TMEM181: variants seen among roughly 807,000 people sequenced by gnomAD.
TMEM181 encodes the protein G protein-coupled receptor 178.
In TMEM181, 39 loss-of-function variants were observed where a neutral mutation model predicts 71.9. The ratio of observed to expected loss-of-function variants is 0.54; its 90% confidence interval spans 0.42 to 0.71. The LOEUF is 0.71. Ranked by LOEUF, TMEM181 falls within the 30% of genes least tolerant of loss-of-function variation. TMEM181 has a pLI of 0.00. For synonymous variants in TMEM181, 245 were observed against 228.8 expected, an observed-to-expected ratio of 1.07 and a Z score of -0.64; for missense variants, 595 against 583.0, an observed-to-expected ratio of 1.02 and a Z score of -0.21.
chr6:158,545,071 CAG>C (rs1389772488), intron 1 of TMEM181, among the ~76,000 whole-genome samples: 5 of 152,246 alleles, frequency 3.3e-5, no homozygotes, highest in African/African-American at 1.2e-4. Context: ...GCCCACCGCT[CAG>C]GGGCCAGGCA....
intron 6 of TMEM181, among the ~76,000 whole-genome samples, chr6:158,603,566 T>C: frequency 6.7e-6 from 1 of 149,288 alleles, no homozygotes; most frequent in East Asian, 2.0e-4. Flanking sequence ...AGCTTCCCGA[T>C]GCTATGTTGA....
intron 1 of TMEM181, among the ~76,000 whole-genome samples, chr6:158,566,906 G>A (rs113259415): frequency 1.9e-4 from 29 of 152,158 alleles, no homozygotes; most frequent in African/African-American, 7.0e-4. Context: ...CCTGGCTCAC[G>A]GTGATTTGCA....
intron 10 of TMEM181, chr6:158,609,758 G>T: frequency 3.9e-6 from 1 of 258,246 alleles, no homozygotes; most frequent in South Asian, 5.6e-5. Flanking sequence ...CAGGGTGTGG[G>T]AGACTAGATC....
rs536819794 is a variant in TMEM181 at position 158,560,136 on chromosome 6, C to CCGGCTG, written c.-81_-76dup. 2.1e-5 allele frequency: 21 copies of CCGGCTG among 984,200 alleles called. No homozygotes were observed. The highest frequency in any genetic ancestry group is 1.2e-4 in the African/African-American group (7 of 57,174). The allele number at this position is 984,200 out of a possible 1,614,324, so 61.0% of individuals were successfully genotyped here. On this transcript the variant is annotated 5_prime_UTR_variant, in exon 1 of 17. Coordinates refer to ENST00000684151, the MANE Select transcript of TMEM181 (RefSeq NM_001376852.1). ...CTGCTCAGCCGCTGTCGCTCCGGCT[C>CCGGCTG]CGGCTGCGGCTGCCGCTGCCGAGGC...
intron 1 of TMEM181, among the ~76,000 whole-genome samples, chr6:158,570,088 C>G (rs2128291409): frequency 6.6e-6 from 1 of 152,222 alleles, no homozygotes; most frequent in African/African-American, 2.4e-5. Context: ...TCTCGGAGCT[C>G]CATAGTCTTG....
chr6:158,573,832 T>C (rs1157289731), intron 2 of TMEM181, among the ~76,000 whole-genome samples: 3 of 151,796 alleles, frequency 2.0e-5, no homozygotes, highest in African/African-American at 7.3e-5. Flanking sequence ...GAGACCCAGC[T>C]GGGCGCTGGT....
chr6:158,614,066 T>C (rs1487867272), intron 10 of TMEM181, among the ~76,000 whole-genome samples: 2 of 152,220 alleles, frequency 1.3e-5, no homozygotes, highest in East Asian at 1.9e-4. Context: ...TTAGAACATA[T>C]GTTAATATTA....
intron 1 of TMEM181, among the ~76,000 whole-genome samples, chr6:158,538,353 C>A (rs910237358): frequency 6.6e-6 from 1 of 151,924 alleles, no homozygotes; most frequent in African/African-American, 2.4e-5. Flanking sequence ...TGGAATTTCC[C>A]TGTCTTGCCC....
intron 1 of TMEM181, among the ~76,000 whole-genome samples, chr6:158,570,484 G>T (rs1159977367): frequency 1.3e-5 from 2 of 151,266 alleles, no homozygotes; most frequent in Admixed American, 1.3e-4. Context: ...CTCGTGATCC[G>T]CCCGCCTTGG....
intron 2 of TMEM181, among the ~76,000 whole-genome samples, chr6:158,576,886 C>T (rs1031007810): frequency 4.6e-5 from 7 of 151,874 alleles, no homozygotes; most frequent in African/African-American, 1.7e-4. Flanking sequence ...CATGGTGAAA[C>T]CCCATCTCTG....
At chr6:158,553,120 C>T (rs1002983969) in intron 1 of TMEM181, among the ~76,000 whole-genome samples, 4 of 150,650 alleles carry the variant, frequency 2.7e-5, no homozygotes, top group African/African-American at 9.8e-5. Flanking sequence ...CCTGAGAGGT[C>T]GAAGCTGCTA....
Position 158,608,833 on chromosome 6 carries a change from C to A in TMEM181, c.896+83C>A. ...AAAGGCCAGGCCAGGCGTAGTGGCT[C>A]ACGCCTGTAATCCCAGCACTTTGAC... On this transcript the variant is annotated intron_variant, in intron 10 of 16. Coordinates refer to ENST00000684151, the MANE Select transcript of TMEM181 (RefSeq NM_001376852.1). 5 of 1,305,478 alleles carry A rather than the reference C, an allele frequency of 3.8e-6. No individual in the cohort carries two copies. In the South Asian group the frequency reaches 5.2e-5, roughly 14 times the overall value. The allele number at this position is 1,305,478 out of a possible 1,614,324, so 80.9% of individuals were successfully genotyped here. A position where few individuals can be genotyped will look rare whatever the true frequency, so the allele number is the denominator to read the frequency against.
In TMEM181 at chr6:158,599,888, T is replaced by A. The variant is rs544902846; in HGVS notation, c.493-5379T>A. On this transcript the variant is annotated intron_variant, in intron 6 of 16. Coordinates refer to ENST00000684151, the MANE Select transcript of TMEM181 (RefSeq NM_001376852.1). ...TGGCCCAGGAGGAGCACGCAGGTGATTCTGCTTGGCTGCTGCTGACAGGGG... is the reference window on the plus strand; with the variant it reads ...TGGCCCAGGAGGAGCACGCAGGTGAATCTGCTTGGCTGCTGCTGACAGGGG... Among the ~76,000 whole-genome samples the A allele has an allele frequency of 1.3e-3, 204 of 152,376 alleles. 1 individual carries two copies. The highest frequency in any genetic ancestry group is 4.7e-3 in the African/African-American group (194 of 41,602).
chr6:158,584,590 G>A (rs2128301623), intron 4 of TMEM181, among the ~76,000 whole-genome samples: 1 of 152,292 alleles, frequency 6.6e-6, no homozygotes, highest in Admixed American at 6.5e-5. Context: ...AGTCTACAGT[G>A]GCACTAGTTT....
At chr6:158,554,148 C>G (rs1181067152) in intron 1 of TMEM181, among the ~76,000 whole-genome samples, 1 of 151,880 alleles carries the variant, frequency 6.6e-6, no homozygotes, top group Non-Finnish European at 1.5e-5. Context: ...TACAATGGCC[C>G]GGTCTTGGCT....
chr6:158,585,344 C>T lies in TMEM181; in HGVS notation c.300C>T (p.Val100=), dbSNP rs1221420000. The change falls in exon 5 of 17, where the codon GTC becomes GTT. Residue 100 remains valine, a synonymous_variant. Transcript: ENST00000684151. ...CAAGCTTTCCCATGACTGTTAAAGT[C>T]GATGGTGTAGCTCAAGATGGAACCA... The part of the protein sequence containing the change: ...IKTSFPMTVK[V]DGVAQDGTTM... The T allele has an allele frequency of 3.7e-6, 6 of 1,609,082 alleles. No individual in the cohort carries two copies. The highest frequency in any genetic ancestry group is 3.4e-5 in the Admixed American group (2 of 58,254).
At chr6:158,617,642 T>G (rs1288597310) in intron 10 of TMEM181, among the ~76,000 whole-genome samples, 1 of 152,144 alleles carries the variant, frequency 6.6e-6, no homozygotes, top group Non-Finnish European at 1.5e-5. Flanking sequence ...TCTACACACT[T>G]CTTTAAATGT....
intron 1 of TMEM181, among the ~76,000 whole-genome samples, chr6:158,571,387 G>A (rs1368329275): frequency 2.6e-5 from 2 of 78,344 alleles, no homozygotes; most frequent in East Asian, 3.1e-4. Context: ...TGATCTGCCC[G>A]CCTTGGCCTT....
intron 11 of TMEM181, among the ~76,000 whole-genome samples, chr6:158,624,185 C>T (rs992091390): frequency 6.6e-6 from 1 of 152,208 alleles, no homozygotes; most frequent in African/African-American, 2.4e-5. Context: ...CGGGGAGAAC[C>T]AGCCATGTGG....
Sources: gnomAD v4.1 joint callset for allele counts (sites outside exome capture counted in the v4.1 genomes callset) on GRCh38, gnomAD v4.1.1 for gene constraint, MANE v1.5 for transcripts, NCBI Gene and HGNC (gene_info 2026-07-23, HGNC 2026-07-21) for gene names.